CATSPERE: variants seen among roughly 807,000 people sequenced by gnomAD.
The protein encoded by CATSPERE is cation channel sperm-associated auxiliary subunit epsilon.
CATSPERE carries 93 observed loss-of-function variants against 114.1 expected under a neutral mutation model. That is an observed-to-expected ratio of 0.81 (90% confidence interval 0.69 to 0.97). CATSPERE has a LOEUF of 0.97. CATSPERE is among the 50% of genes least tolerant of loss of function. CATSPERE has a pLI of 0.00. For synonymous variants in CATSPERE, 341 were observed against 384.1 expected, an observed-to-expected ratio of 0.89 and a Z score of 1.31; for missense variants, 1,058 against 1,131.6, an observed-to-expected ratio of 0.93 and a Z score of 0.93.
At chr1:244,583,160 A>G (rs1666484203) in intron 12 of CATSPERE, among the ~76,000 whole-genome samples, 1 of 152,232 alleles carries the variant, frequency 6.6e-6, no homozygotes, top group Non-Finnish European at 1.5e-5. Context: ...TTACATTGCT[A>G]TAGAATACAC....
At chr1:244,589,020 G>T (rs762784150) in intron 14 of CATSPERE, among the ~76,000 whole-genome samples, 1 of 152,168 alleles carries the variant, frequency 6.6e-6, no homozygotes, top group Non-Finnish European at 1.5e-5. Context: ...CACAGTGATT[G>T]CCCTAGAGAA....
chr1:244,501,928 A>C (rs928119214), intron 7 of CATSPERE, among the ~76,000 whole-genome samples: 4 of 152,046 alleles, frequency 2.6e-5, no homozygotes, highest in African/African-American at 9.7e-5. Flanking sequence ...GTCTCCTCAC[A>C]CACACCTGCT....
intron 6 of CATSPERE, among the ~76,000 whole-genome samples, chr1:244,496,593 T>C (rs1204183950): frequency 1.3e-5 from 2 of 152,188 alleles, no homozygotes; most frequent in Non-Finnish European, 2.9e-5. Context: ...TGACAAAACT[T>C]CAGAACTCTC....
chr1:244,475,933 TTTTG>T (rs368675071), intron 2 of CATSPERE, among the ~76,000 whole-genome samples: 134 of 152,318 alleles, frequency 8.8e-4, no homozygotes, highest in Admixed American at 1.8e-3. Context: ...AAGTACAGTT[TTTTG>T]TTTGTTTGTT....
chr1:244,626,942 C>T (rs962424204), intron 20 of CATSPERE, among the ~76,000 whole-genome samples: 7 of 152,196 alleles, frequency 4.6e-5, no homozygotes, highest in East Asian at 1.9e-4. Context: ...TTTGCATTCA[C>T]GATGTGGCTA....
At position 244,572,439 on chromosome 1, in the gene CATSPERE, A is replaced by G. The variant is rs756643256; in HGVS notation, c.1617A>G (p.Arg539=). The G allele has an allele frequency of 6.2e-7, 1 of 1,611,864 alleles. No individual in the cohort carries two copies. The highest frequency in any genetic ancestry group is 8.5e-7 in the Non-Finnish European group (1 of 1,177,908). The change falls in exon 11 of 22, where the codon AGA becomes AGG. Residue 539 remains arginine (R), a synonymous_variant. Coordinates refer to ENST00000366534, the MANE Select transcript of CATSPERE (RefSeq NM_001130957.2). ...KLHLWTNYTT[R]AFIFLSTSGQ... is the part of the protein sequence containing the mutation. ...ATTTATGGACAAATTACACAACAAGAGCATTCATTTTCTTAAGTACATCTG... is the reference window on the plus strand; with the variant it reads ...ATTTATGGACAAATTACACAACAAGGGCATTCATTTTCTTAAGTACATCTG...
At chr1:244,560,591 A>T (rs1662410000) in intron 9 of CATSPERE, 77 bp from the exon 10 acceptor site, 2 of 837,674 alleles carry the variant, frequency 2.4e-6, no homozygotes, top group Non-Finnish European at 3.4e-6. Flanking sequence ...AATAAAATTT[A>T]AATTTTAAAA....
chr1:244,592,027 T>C (rs1292920117), intron 15 of CATSPERE, among the ~76,000 whole-genome samples: 2 of 152,188 alleles, frequency 1.3e-5, no homozygotes, highest in Non-Finnish European at 2.9e-5. Context: ...ACAAGAATTT[T>C]TTTTCCTTAC....
At chr1:244,487,739 C>T (rs1347506701) in intron 5 of CATSPERE, among the ~76,000 whole-genome samples, 1 of 152,050 alleles carries the variant, frequency 6.6e-6, no homozygotes. Flanking sequence ...GGTGCCAGAG[C>T]ATGGAGGGGA....
intron 8 of CATSPERE, among the ~76,000 whole-genome samples, chr1:244,526,169 AGGCTGAGGT>A (rs1450320591): frequency 6.6e-6 from 1 of 152,160 alleles, no homozygotes; most frequent in Non-Finnish European, 1.5e-5. Flanking sequence ...CAGCATTGGG[AGGCTGAGGT>A]GGGCAGACTG....
chr1:244,531,464 T>C (rs1679583383), intron 8 of CATSPERE, among the ~76,000 whole-genome samples: 1 of 152,180 alleles, frequency 6.6e-6, no homozygotes, highest in East Asian at 1.9e-4. Context: ...ACTGTGGATC[T>C]ATCATATATG....
Position 244,609,484 on chromosome 1 carries a change from G to A in CATSPERE, c.2404-756G>A, listed in dbSNP as rs118011389. ...TGCTGCCTCAGCCTCCCGAGTAGCC[G>A]GGGTTACAGGTGCACGCCACCACAC... is the stretch of plus-strand genomic sequence containing the variant. On this transcript the variant is annotated intron_variant, in intron 18 of 21. Transcript: ENST00000366534. Among the ~76,000 whole-genome samples the A allele has an allele frequency of 5.8e-3, 879 of 151,888 alleles. 51 individuals carry two copies. The East Asian group carries it at 0.13, about 23-fold the overall frequency.
At chr1:244,558,783 T>C (rs1486293231) in intron 9 of CATSPERE, among the ~76,000 whole-genome samples, 2 of 152,146 alleles carry the variant, frequency 1.3e-5, no homozygotes, top group African/African-American at 4.8e-5. Flanking sequence ...CTCCTTCTCC[T>C]TCTCCCTCTC....
At chr1:244,583,778 T>C (rs1572874826) in intron 12 of CATSPERE, 86 bp from the exon 13 acceptor site, 1 of 1,239,720 alleles carries the variant, frequency 8.1e-7, no homozygotes, top group Non-Finnish European at 1.2e-6. Flanking sequence ...ACCGTGCACA[T>C]GGGACTTTGC....
chr1:244,580,264 G>A (rs1026345744), intron 11 of CATSPERE, among the ~76,000 whole-genome samples: 1 of 146,006 alleles, frequency 6.8e-6, no homozygotes, highest in Non-Finnish European at 1.5e-5. Context: ...TGTTGGCCAA[G>A]CTGGTCTTGA....
intron 20 of CATSPERE, among the ~76,000 whole-genome samples, chr1:244,631,197 T>C (rs1050693406): frequency 6.6e-6 from 1 of 152,136 alleles, no homozygotes; most frequent in African/African-American, 2.4e-5. Context: ...TGGTGTTGCA[T>C]GCCTTCAGTA....
In CATSPERE at chr1:244,461,472, TGCTATG is replaced by T. The variant is rs1472648024; in HGVS notation, c.47_52del (p.Tyr16_Gly17del). ...GGCCGTGCTGCTGCTGTGGCTGAGC[TGCTATG>T]GCTCCGCCCTTTGGAGGTAGAGAGA... On this transcript the variant is annotated inframe_deletion, in exon 1 of 22. Transcript: ENST00000366534. 2.2e-6 allele frequency: 3 copies of T among 1,351,696 alleles called. No homozygotes were observed. In the East Asian group the frequency reaches 8.6e-5, roughly 39 times the overall value. 83.7% of individuals were successfully genotyped at this position (1,351,696 alleles called of 1,614,324 possible).
intron 1 of CATSPERE, among the ~76,000 whole-genome samples, chr1:244,455,343 G>GA (rs942353648): frequency 2.7e-5 from 4 of 150,932 alleles, no homozygotes; most frequent in Admixed American, 1.3e-4. Context: ...ACATCTTGTA[G>GA]AAAAAAAAAC....
rs147528905 is a variant in CATSPERE at position 244,543,014 on chromosome 1, G to A, written c.537-9308G>A. Among the ~76,000 whole-genome samples the A allele has an allele frequency of 1.8e-4, 27 of 152,246 alleles. No individual in the cohort carries two copies. The East Asian group carries it at 4.6e-3, about 26-fold the overall frequency. Reference sequence around the variant, plus strand: ...AAAGTATCCCTGGTACGTTGTTGTTGGGAATATAATTTAATATAGCCATTA... The same window carrying A: ...AAAGTATCCCTGGTACGTTGTTGTTAGGAATATAATTTAATATAGCCATTA... On this transcript the variant is annotated intron_variant, in intron 8 of 21. Coordinates refer to ENST00000366534, the MANE Select transcript of CATSPERE (RefSeq NM_001130957.2).
Sources: gnomAD v4.1 joint callset for allele counts (sites outside exome capture counted in the v4.1 genomes callset) on GRCh38, gnomAD v4.1.1 for gene constraint, MANE v1.5 for transcripts, NCBI Gene and HGNC (gene_info 2026-07-23, HGNC 2026-07-21) for gene names.